The following GDAP2 variants were observed in gnomAD, a reference collection of about 807,000 sequenced individuals.
GDAP2 encodes the protein ganglioside-induced differentiation-associated protein 2.
GDAP2 carries 51 observed loss-of-function variants against 67.0 expected under a neutral mutation model. That is an observed-to-expected ratio of 0.76 (90% CI 0.61 to 0.96). GDAP2 has a LOEUF of 0.96. Among genes scored for constraint, GDAP2 ranks in the 40% least tolerant of loss-of-function variants. GDAP2 has a pLI of 0.00. For missense variants in GDAP2, 547 were observed against 588.3 expected (o/e 0.93, Z 0.73); for synonymous variants, 203 against 207.3 (o/e 0.98, Z 0.18).
At chr1:117,877,035 T>C in intron 13 of GDAP2, among the ~76,000 whole-genome samples, 1 of 152,212 alleles carries the variant, frequency 6.6e-6, no homozygotes, top group Middle Eastern at 3.2e-3. Context: ...TACAAACTAA[T>C]GTACTCTTTT....
chr1:117,888,760 C>T (rs1035055377), intron 8 of GDAP2, among the ~76,000 whole-genome samples: 3 of 152,266 alleles, frequency 2.0e-5, no homozygotes, highest in South Asian at 2.1e-4. Flanking sequence ...TCTAATCCTA[C>T]TGCTTTCGGT....
chr1:117,891,343 A>G (rs1232445319), intron 8 of GDAP2, among the ~76,000 whole-genome samples: 1 of 151,794 alleles, frequency 6.6e-6, no homozygotes, highest in East Asian at 1.9e-4. Context: ...TAATTTTAGG[A>G]GATAAGGACA....
At chr1:117,879,044 C>A (rs1468583877) in intron 12 of GDAP2, among the ~76,000 whole-genome samples, 1 of 152,128 alleles carries the variant, frequency 6.6e-6, no homozygotes, top group Non-Finnish European at 1.5e-5. Flanking sequence ...AAATCGTTCA[C>A]AAGGCATGCC....
intron 1 of GDAP2, among the ~76,000 whole-genome samples, chr1:117,927,522 C>T (rs1384777997): frequency 2.0e-5 from 3 of 152,042 alleles, no homozygotes; most frequent in Admixed American, 1.3e-4. Flanking sequence ...TGCACTTGAC[C>T]GCCATTAATT....
chr1:117,877,450 T>A, intron 13 of GDAP2: 3 of 975,160 alleles, frequency 3.1e-6, no homozygotes, highest in Non-Finnish European at 3.7e-6. Context: ...CACAATAGAA[T>A]AAATTGATGA....
At chr1:117,908,519 G>A (rs553209674) in intron 5 of GDAP2, among the ~76,000 whole-genome samples, 126 of 151,978 alleles carry the variant, frequency 8.3e-4, no homozygotes, top group Non-Finnish European at 1.2e-3. Context: ...TTTCAAAAAC[G>A]AACTTTCAAA....
intron 12 of GDAP2, among the ~76,000 whole-genome samples, chr1:117,881,599 C>T (rs1648647596): frequency 6.6e-6 from 1 of 152,104 alleles, no homozygotes; most frequent in Non-Finnish European, 1.5e-5. Flanking sequence ...AGCACAAAAA[C>T]AGGCAGGGAC....
At position 117,868,637 on chromosome 1, in the gene GDAP2, A is replaced by G. The variant is rs576067624; in HGVS notation, c.*1932T>C. ...CCCTTTAACAAAGAAAAGTTGGCAG[A>G]CTTTCATAGCTGCTCCTTGTGAAGA... On this transcript the variant is annotated 3_prime_UTR_variant, in exon 14 of 14. Coordinates refer to ENST00000369443, the MANE Select transcript of GDAP2 (RefSeq NM_017686.4). 1.2e-4 allele frequency: 19 copies of G among 152,186 alleles called. No individual in the cohort carries two copies. Among genetic ancestry groups the G allele is most frequent in the Non-Finnish European group, 1.5e-5 (1 of 68,020 alleles). 9.4% of individuals were successfully genotyped at this position (152,186 alleles called of 1,614,324 possible).
chr1:117,885,325 C>G (rs961315514), intron 10 of GDAP2, among the ~76,000 whole-genome samples: 1 of 152,048 alleles, frequency 6.6e-6, no homozygotes, highest in Admixed American at 6.6e-5. Context: ...AACTATATCA[C>G]TATATATGAC....
intron 13 of GDAP2, among the ~76,000 whole-genome samples, chr1:117,873,565 A>C (rs1285270316): frequency 1.3e-5 from 2 of 152,190 alleles, no homozygotes; most frequent in African/African-American, 4.8e-5. Flanking sequence ...TTCCTAACAA[A>C]GGAAAATGTT....
chr1:117,881,950 T>C (rs1348306056), intron 11 of GDAP2, 73 bp from the exon 12 acceptor site: 2 of 793,478 alleles, frequency 2.5e-6, no homozygotes, highest in African/African-American at 3.4e-5. Flanking sequence ...TTATAGACTA[T>C]TAACTATTTG....
rs201890334 is a variant in GDAP2 at position 117,867,700 on chromosome 1, C to CA, written c.*2868dup. 34 of 136,682 alleles carry CA rather than the reference C, an allele frequency of 2.5e-4. No individual in the cohort carries two copies. The highest frequency in any genetic ancestry group is 5.6e-4 in the African/African-American group (21 of 37,200). The allele number at this position is 136,682 out of a possible 1,614,324, so 8.5% of individuals were successfully genotyped here. A position where few individuals can be genotyped will look rare whatever the true frequency, so the allele number is the denominator to read the frequency against. ...TTGGGTGACAGAGTAAGACTGTCTC[C>CA]AAAAAAAAAAGAAAAAGAAAAAGGA... On this transcript the variant is annotated 3_prime_UTR_variant, in exon 14 of 14. Transcript: ENST00000369443.
chr1:117,900,153 G>GTTTTCT (rs1474048908), intron 6 of GDAP2, among the ~76,000 whole-genome samples: 1 of 151,900 alleles, frequency 6.6e-6, no homozygotes, highest in Non-Finnish European at 1.5e-5. Flanking sequence ...GTTTGTTTTC[G>GTTTTCT]TTTTCTTTTT....
intron 12 of GDAP2, among the ~76,000 whole-genome samples, chr1:117,880,213 G>GA (rs1648605437): frequency 6.6e-6 from 1 of 151,786 alleles, no homozygotes; most frequent in Non-Finnish European, 1.5e-5. Context: ...GAGAGAGAGA[G>GA]GCTGACAAAT....
Position 117,870,544 on chromosome 1 carries a change from C to T in GDAP2, c.*25G>A. 1 of 1,503,422 alleles carries T rather than the reference C, an allele frequency of 6.7e-7. No homozygotes were observed. Among genetic ancestry groups the T allele is most frequent in the Non-Finnish European group, 9.3e-7 (1 of 1,079,404 alleles). The allele number at this position is 1,503,422 out of a possible 1,614,324, so 93.1% of individuals were successfully genotyped here. On this transcript the variant is annotated 3_prime_UTR_variant, in exon 14 of 14. Coordinates refer to ENST00000369443, the MANE Select transcript of GDAP2 (RefSeq NM_017686.4). Reference sequence around the variant, plus strand: ...CGTGGAGGAAGTGGCATCCTGGGAACCAAGAAGCACTGAAAGATGGCAGGT... The same window carrying T: ...CGTGGAGGAAGTGGCATCCTGGGAATCAAGAAGCACTGAAAGATGGCAGGT...
Position 117,887,389 on chromosome 1 carries a change from A to C in GDAP2, c.1030+309T>G, listed in dbSNP as rs1648899552. Among the ~76,000 whole-genome samples the C allele has an allele frequency of 2.6e-5, 4 of 152,182 alleles. No individual in the cohort carries two copies. The South Asian group carries it at 8.3e-4, about 31-fold the overall frequency. On this transcript the variant is annotated intron_variant, in intron 9 of 13. Coordinates refer to ENST00000369443, the MANE Select transcript of GDAP2 (RefSeq NM_017686.4). The stretch of plus-strand genomic sequence containing the variant: ...GAATCTGGGAACTTTCACTCTCTCC[A>C]TCATATATTTACGTAAGGTTTGAAT...
At position 117,881,847 on chromosome 1, in the gene GDAP2, A is replaced by T; in HGVS notation, c.1278T>A (p.Phe426Leu). The change falls in exon 12 of 14, where the codon TTT becomes TTA. Residue 426 changes from phenylalanine (F) to leucine (L), a missense_variant. Phe to Leu is a conservative substitution (Grantham distance 22). Transcript: ENST00000369443. Reference protein sequence around the residue: ...KYKRNLKAVYFVHPTFRSKVS... With the variant: ...KYKRNLKAVYLVHPTFRSKVS... The stretch of plus-strand genomic sequence containing the variant: ...CCTTTGAACGAAATGTGGGATGTAC[A>T]AAATAAACAGCCTTCAAATTCCTCT... 2 of 1,581,740 alleles carry T rather than the reference A, an allele frequency of 1.3e-6. No homozygotes were observed. The highest frequency in any genetic ancestry group is 1.7e-6 in the Non-Finnish European group (2 of 1,150,592).
At chr1:117,882,120 C>T (rs986810104) in intron 11 of GDAP2, among the ~76,000 whole-genome samples, 6 of 151,904 alleles carry the variant, frequency 3.9e-5, no homozygotes, top group Admixed American at 3.3e-4. Context: ...ATAGGTAGGA[C>T]AAAGTTAAGT....
At chr1:117,877,440 C>A in intron 13 of GDAP2, 1 of 971,034 alleles carries the variant, frequency 1.0e-6, no homozygotes. Flanking sequence ...CATGAATAAA[C>A]ACAATAGAAT....
Sources: gnomAD v4.1 joint callset for allele counts (sites outside exome capture counted in the v4.1 genomes callset) on GRCh38, gnomAD v4.1.1 for gene constraint, MANE v1.5 for transcripts, NCBI Gene and HGNC (gene_info 2026-07-23, HGNC 2026-07-21) for gene names.